The following TMEM132C variants were observed in gnomAD, a reference collection of about 807,000 sequenced individuals.
TMEM132C encodes protein phosphatase 1, regulatory subunit 152.
A neutral mutation model predicts 61.4 loss-of-function variants in TMEM132C; 29 were observed. That is an observed-to-expected ratio of 0.47 (90% CI 0.35 to 0.64). The LOEUF (loss-of-function observed/expected upper bound fraction) is 0.64, where lower values mean the gene tolerates loss of function less well. Ranked by LOEUF, TMEM132C falls within the 30% of genes least tolerant of loss-of-function variation. The probability of loss-of-function intolerance (pLI) is 0.00; values close to 1 mark genes in which losing one functional copy is unlikely to be tolerated. For missense variants in TMEM132C, 1,408 were observed against 1,476.9 expected (o/e 0.95, Z 0.76); for synonymous variants, 656 against 633.1 (o/e 1.04, Z -0.54).
chr12:128,663,984 G>A (rs11059811), intron 4 of TMEM132C, among the ~76,000 whole-genome samples: 54,166 of 129,338 alleles, frequency 0.42, 11,746 homozygotes, highest in East Asian at 0.59. Context: ...CCACACGCAC[G>A]CACGCGGGCA....
At chr12:128,589,572 A>G (rs542838465) in intron 3 of TMEM132C, among the ~76,000 whole-genome samples, 1 of 142,416 alleles carries the variant, frequency 7.0e-6, no homozygotes, top group South Asian at 2.2e-4. Flanking sequence ...ATCGTATAGT[A>G]GTAGATTTCC....
intron 1 of TMEM132C, among the ~76,000 whole-genome samples, chr12:128,381,965 CCTT>C (rs1874414399): frequency 6.6e-6 from 1 of 152,120 alleles, no homozygotes; most frequent in Non-Finnish European, 1.5e-5. Context: ...CCTCTCACCT[CCTT>C]CTCTTTGTCC....
At chr12:128,328,741 C>T (rs560910625) in intron 1 of TMEM132C, among the ~76,000 whole-genome samples, 8 of 144,996 alleles carry the variant, frequency 5.5e-5, no homozygotes, top group South Asian at 2.2e-4. Context: ...GAGCTGAGAT[C>T]GCACCACTGC....
intron 2 of TMEM132C, among the ~76,000 whole-genome samples, chr12:128,475,811 C>T (rs1405649027): frequency 6.6e-6 from 1 of 152,170 alleles, no homozygotes; most frequent in Non-Finnish European, 1.5e-5. Flanking sequence ...CCCAGCAGTC[C>T]TGTACGAGGT....
intron 2 of TMEM132C, among the ~76,000 whole-genome samples, chr12:128,466,995 G>A (rs982721980): frequency 6.6e-6 from 1 of 152,172 alleles, no homozygotes; most frequent in African/African-American, 2.4e-5. Flanking sequence ...TGTGGAAGGA[G>A]TAGGATTTCA....
intron 1 of TMEM132C, among the ~76,000 whole-genome samples, chr12:128,351,005 G>A (rs1873321007): frequency 6.6e-6 from 1 of 152,090 alleles, no homozygotes; most frequent in Non-Finnish European, 1.5e-5. Flanking sequence ...ACAAAAGGAA[G>A]AAAAGAGCCT....
At position 128,616,347 on chromosome 12, in the gene TMEM132C, G is replaced by C. The variant is rs1483719134; in HGVS notation, c.1305+12G>C. 3 of 1,547,550 alleles carry C rather than the reference G, an allele frequency of 1.9e-6. No homozygotes were observed. The highest frequency in any genetic ancestry group is 2.6e-6 in the Non-Finnish European group (3 of 1,144,274). On this transcript the variant is annotated intron_variant, in intron 4 of 8. Coordinates refer to ENST00000435159, the MANE Select transcript of TMEM132C (RefSeq NM_001136103.3). ...TTCCCTTGGCTATGGTGAGTCCTGA[G>C]TTACCTTGGATGCTCCTGCATTCAG...
At chr12:128,325,562 C>T (rs1207060398) in intron 1 of TMEM132C, among the ~76,000 whole-genome samples, 2 of 152,112 alleles carry the variant, frequency 1.3e-5, no homozygotes, top group Non-Finnish European at 2.9e-5. Context: ...AGTGTATATT[C>T]TTCATGAAAG....
At chr12:128,604,770 T>A (rs1481068255) in intron 3 of TMEM132C, among the ~76,000 whole-genome samples, 1 of 151,708 alleles carries the variant, frequency 6.6e-6, no homozygotes, top group Admixed American at 6.6e-5. Context: ...AATGGATGGA[T>A]GGATAGATAG....
At position 128,570,910 on chromosome 12, in the gene TMEM132C, C is replaced by T. The variant is rs35571408; in HGVS notation, c.1121+26807C>T. Among the ~76,000 whole-genome samples the T allele has an allele frequency of 0.043, 6,588 of 152,260 alleles. 208 individuals carry two copies. The highest frequency in any genetic ancestry group is 0.064 in the Non-Finnish European group (4,339 of 68,026). Reference sequence around the variant, plus strand: ...GAGCCACTCCTAGCAATAAGGAAGTCTGGGGAAGTTACTATTTTCACTTTG... The same window carrying T: ...GAGCCACTCCTAGCAATAAGGAAGTTTGGGGAAGTTACTATTTTCACTTTG... On this transcript the variant is annotated intron_variant, in intron 3 of 8. Coordinates refer to ENST00000435159, the MANE Select transcript of TMEM132C (RefSeq NM_001136103.3). The surrounding 1 kb of genome is among the most constrained non-coding windows in gnomAD (Gnocchi z 4.7).
intron 2 of TMEM132C, among the ~76,000 whole-genome samples, chr12:128,499,811 C>T (rs1372338884): frequency 2.0e-5 from 3 of 152,140 alleles, no homozygotes; most frequent in Non-Finnish European, 2.9e-5. Context: ...TAAGCTGATT[C>T]CCTATTTTGC....
At chr12:128,543,776 G>C (rs1477922367) in intron 2 of TMEM132C, among the ~76,000 whole-genome samples, 181 bp from the exon 3 acceptor site, 1 of 152,054 alleles carries the variant, frequency 6.6e-6, no homozygotes, top group Non-Finnish European at 1.5e-5. Context: ...CTTATCCACA[G>C]GCAGATCCCG....
intron 4 of TMEM132C, among the ~76,000 whole-genome samples, chr12:128,635,407 T>C (rs923079834): frequency 4.6e-5 from 7 of 151,980 alleles, no homozygotes; most frequent in Non-Finnish European, 1.0e-4. Context: ...GAATTAATCT[T>C]GAGTATTTTG....
At chr12:128,578,429 G>A (rs976223503) in intron 3 of TMEM132C, among the ~76,000 whole-genome samples, 1 of 152,054 alleles carries the variant, frequency 6.6e-6, no homozygotes, top group Admixed American at 6.6e-5. Flanking sequence ...TTTCTGTTCT[G>A]CCCACCAATA....
intron 1 of TMEM132C, among the ~76,000 whole-genome samples, chr12:128,298,641 C>A (rs1328167273): frequency 6.6e-6 from 1 of 152,186 alleles, no homozygotes. Context: ...TAAACTGTGC[C>A]ATCAGAGCCT....
At position 128,524,456 on chromosome 12, in the gene TMEM132C, A is replaced by G. The variant is rs75902811; in HGVS notation, c.975-19501A>G. 3.7e-3 allele frequency among the ~76,000 whole-genome samples: 566 copies of G among 152,270 alleles called. 1 individual carries two copies. The highest frequency in any genetic ancestry group is 0.012 in the African/African-American group (515 of 41,564). ...CTTTAGCCCTACATAGCTCATGGAC[A>G]GGCTGTCATTTATGGCCCTGGGTAT... On this transcript the variant is annotated intron_variant, in intron 2 of 8. Coordinates refer to ENST00000435159, the MANE Select transcript of TMEM132C (RefSeq NM_001136103.3).
chr12:128,463,701 C>T (rs796289800), intron 2 of TMEM132C, among the ~76,000 whole-genome samples: 6 of 152,242 alleles, frequency 3.9e-5, no homozygotes, highest in African/African-American at 9.6e-5. Context: ...TCTCCCATCT[C>T]GGTGTGCCAT....
intron 2 of TMEM132C, among the ~76,000 whole-genome samples, chr12:128,525,018 G>A (rs558090619): frequency 3.9e-5 from 6 of 152,300 alleles, no homozygotes; most frequent in South Asian, 4.1e-4. Flanking sequence ...CCAGGATAAC[G>A]GATGAGGCAG....
chr12:128,373,501 T>C (rs998710097), intron 1 of TMEM132C, among the ~76,000 whole-genome samples: 6 of 152,096 alleles, frequency 3.9e-5, no homozygotes, highest in Admixed American at 3.9e-4. Flanking sequence ...AGAATGAATA[T>C]TGGGTAAGAG....
Sources: allele counts gnomAD v4.1 joint callset (sites outside exome capture counted in the v4.1 genomes callset), GRCh38; gene constraint gnomAD v4.1.1; non-coding constraint Gnocchi (gnomAD v3.1); transcripts MANE v1.5; gene names NCBI Gene and HGNC (gene_info 2026-07-23, HGNC 2026-07-21).